Variants in SHB observed in about 807,000 individuals in gnomAD.
SHB encodes SH2 domain-containing adapter protein B.
SHB carries 20 observed loss-of-function variants against 52.3 expected under a neutral mutation model. That is an observed-to-expected ratio of 0.38 (90% CI 0.27 to 0.56). SHB has a LOEUF of 0.56. SHB is among the 20% of genes least tolerant of loss of function. SHB has a pLI of 0.71. For synonymous variants in SHB, 397 were observed against 316.5 expected, an observed-to-expected ratio of 1.25 and a Z score of -2.70; for missense variants, 825 against 723.3, an observed-to-expected ratio of 1.14 and a Z score of -1.61.
At chr9:37,965,847 G>C (rs918555930) in intron 3 of SHB, among the ~76,000 whole-genome samples, 1 of 152,184 alleles carries the variant, frequency 6.6e-6, no homozygotes, top group Non-Finnish European at 1.5e-5. Flanking sequence ...CTGTACAGTG[G>C]GGGCGGTACT....
intron 1 of SHB, among the ~76,000 whole-genome samples, chr9:38,058,829 G>A (rs540695905): frequency 3.4e-4 from 51 of 152,198 alleles, no homozygotes; most frequent in African/African-American, 1.1e-3. Context: ...CTGGAATGCC[G>A]TCCTTGGAGA....
In SHB at chr9:38,068,661, A is replaced by G. The variant is rs754278102; in HGVS notation, c.-16T>C. The G allele has an allele frequency of 7.5e-7, 1 of 1,335,002 alleles. No individual in the cohort carries two copies. Among genetic ancestry groups the G allele is most frequent in the Admixed American group, 3.7e-5 (1 of 27,254 alleles). 82.7% of individuals were successfully genotyped at this position (1,335,002 alleles called of 1,614,324 possible). A position where few individuals can be genotyped will look rare whatever the true frequency, so the allele number is the denominator to read the frequency against. On this transcript the variant is annotated 5_prime_UTR_variant, in exon 1 of 6. It removes the in-frame stop codon of an upstream open reading frame in the 5' UTR. Transcript: ENST00000377707. ...ACTTGGCCATGGCGAGAGGCCGCCTAGGGCCGCGGCGCGGGAGCCCGGTCC... is the reference window on the plus strand; with the variant it reads ...ACTTGGCCATGGCGAGAGGCCGCCTGGGGCCGCGGCGCGGGAGCCCGGTCC...
At chr9:38,035,634 A>C (rs1821477097) in intron 1 of SHB, among the ~76,000 whole-genome samples, 1 of 152,070 alleles carries the variant, frequency 6.6e-6, no homozygotes, top group African/African-American at 2.4e-5. Flanking sequence ...GGTCTTGGGG[A>C]CAGAAGGACA....
chr9:37,973,503 G>A (rs574432231), intron 3 of SHB, among the ~76,000 whole-genome samples: 4 of 152,342 alleles, frequency 2.6e-5, no homozygotes, highest in South Asian at 4.1e-4. Flanking sequence ...GACTACAGGC[G>A]TGAGCCACCG....
intron 2 of SHB, among the ~76,000 whole-genome samples, chr9:37,981,677 C>T (rs915229271): frequency 1.3e-5 from 2 of 152,130 alleles, no homozygotes; most frequent in Admixed American, 1.3e-4. Context: ...GGCTTATTTC[C>T]AAGATTTTGG....
At chr9:38,018,333 T>C (rs1821241271) in intron 1 of SHB, among the ~76,000 whole-genome samples, 1 of 152,172 alleles carries the variant, frequency 6.6e-6, no homozygotes. Context: ...GTGCTACCTA[T>C]ATTTTCTAAT....
At chr9:37,942,844 CT>C (rs1268999168) in intron 5 of SHB, among the ~76,000 whole-genome samples, 9 of 152,200 alleles carry the variant, frequency 5.9e-5, no homozygotes, top group Non-Finnish European at 1.3e-4. Flanking sequence ...CATCAGGCCC[CT>C]CCCCAGCTCT....
Position 37,960,383 on chromosome 9 carries a change from A to T in SHB, c.1055-4329T>A, listed in dbSNP as rs574490211. 3.9e-5 allele frequency among the ~76,000 whole-genome samples: 6 copies of T among 152,334 alleles called. No individual in the cohort carries two copies. The South Asian group carries it at 1.2e-3, about 32-fold the overall frequency. On this transcript the variant is annotated intron_variant, in intron 3 of 5. Coordinates refer to ENST00000377707, the MANE Select transcript of SHB (RefSeq NM_003028.3). ...AAGAAGATCTGCATTTAGAGAAAAA[A>T]TATGCTACCCCCGTGAGTCATTAGA...
rs187916326 is a variant in SHB at position 37,916,051 on chromosome 9, G to A, written c.*3770C>T. ...GATGCAAACAGCCCCAAGGAGGGAG[G>A]TGGAAAGGCCAAGGGGCACCTGTGT... is the stretch of plus-strand genomic sequence containing the variant. On this transcript the variant is annotated 3_prime_UTR_variant, in exon 6 of 6. Transcript: ENST00000377707. Among the ~76,000 whole-genome samples the A allele has an allele frequency of 4.6e-5, 7 of 152,340 alleles. No individual in the cohort carries two copies. The East Asian group carries it at 1.4e-3, about 29-fold the overall frequency.
intron 4 of SHB, among the ~76,000 whole-genome samples, chr9:37,949,198 G>T (rs1375314307): frequency 6.6e-6 from 1 of 152,068 alleles, no homozygotes; most frequent in Non-Finnish European, 1.5e-5. Flanking sequence ...TTCAAAACCA[G>T]CCTGGCCAAC....
intron 1 of SHB, among the ~76,000 whole-genome samples, chr9:38,025,800 G>C (rs560533055): frequency 2.0e-5 from 3 of 152,174 alleles, no homozygotes; most frequent in Non-Finnish European, 4.4e-5. Flanking sequence ...GGGTCACCTG[G>C]ACATCAGAAA....
At chr9:37,964,519 C>T (rs956270789) in intron 3 of SHB, among the ~76,000 whole-genome samples, 3 of 152,168 alleles carry the variant, frequency 2.0e-5, no homozygotes, top group South Asian at 2.1e-4. Context: ...ATAACCCGAA[C>T]GCAGAGGCCT....
chr9:37,927,504 G>A (rs552601150), intron 5 of SHB, among the ~76,000 whole-genome samples: 3 of 152,224 alleles, frequency 2.0e-5, no homozygotes, highest in Non-Finnish European at 4.4e-5. Flanking sequence ...AAGGCCTTCA[G>A]TAAATCATGA....
At chr9:38,052,796 C>T (rs890819537) in intron 1 of SHB, among the ~76,000 whole-genome samples, 1 of 152,212 alleles carries the variant, frequency 6.6e-6, no homozygotes, top group Non-Finnish European at 1.5e-5. Context: ...AAGGCCTTCC[C>T]ACACCTGGCT....
At chr9:37,954,555 C>T (rs1009776018) in intron 4 of SHB, among the ~76,000 whole-genome samples, 2 of 152,186 alleles carry the variant, frequency 1.3e-5, no homozygotes, top group Admixed American at 1.3e-4. Flanking sequence ...CTTGCCAAGG[C>T]TCTGCACCAC....
At chr9:38,026,204 T>C (rs144166738) in intron 1 of SHB, among the ~76,000 whole-genome samples, 17 of 152,350 alleles carry the variant, frequency 1.1e-4, no homozygotes, top group African/African-American at 3.8e-4. Context: ...CTGTGCAATG[T>C]GGTACCTTTC....
At chr9:37,959,401 G>A (rs1333966966) in intron 3 of SHB, among the ~76,000 whole-genome samples, 1 of 152,296 alleles carries the variant, frequency 6.6e-6, no homozygotes, top group Non-Finnish European at 1.5e-5. Context: ...GGCTGCCAGC[G>A]TTGAAGGGCT....
intron 1 of SHB, among the ~76,000 whole-genome samples, chr9:38,045,803 T>C (rs1214888249): frequency 6.6e-6 from 1 of 152,178 alleles, no homozygotes; most frequent in Non-Finnish European, 1.5e-5. Context: ...TAAAGATTGA[T>C]TAAAGATCTT....
intron 2 of SHB, among the ~76,000 whole-genome samples, chr9:37,993,707 T>C (rs148883500): frequency 2.0e-5 from 3 of 152,164 alleles, no homozygotes; most frequent in African/African-American, 7.2e-5. Context: ...CACCTAAAAA[T>C]AACTGGGAGT....
Sources: allele counts gnomAD v4.1 joint callset (sites outside exome capture counted in the v4.1 genomes callset), GRCh38; gene constraint gnomAD v4.1.1; transcripts MANE v1.5; gene names NCBI Gene and HGNC (gene_info 2026-07-23, HGNC 2026-07-21).